The following CEP192 variants were observed in gnomAD, a reference collection of about 807,000 sequenced individuals.
CEP192 encodes the protein centrosomal protein 192.
In CEP192, 151 loss-of-function variants were observed where a neutral mutation model predicts 271.8. The observed-to-expected ratio is 0.56, with a 90% confidence interval of 0.49 to 0.64. CEP192 has a LOEUF of 0.64. CEP192 is among the 30% of genes least tolerant of loss of function. The probability of loss-of-function intolerance (pLI) is 0.00; values close to 1 mark genes in which losing one functional copy is unlikely to be tolerated. For missense variants in CEP192, 2,910 were observed against 3,020.5 expected, an observed-to-expected ratio of 0.96 and a Z score of 0.86; for synonymous variants, 995 against 1,076.5, an observed-to-expected ratio of 0.92 and a Z score of 1.48.
intron 15 of CEP192, 46 bp downstream of exon 15, chr18:13,042,380 G>C: frequency 6.3e-7 from 1 of 1,598,900 alleles, no homozygotes; most frequent in Non-Finnish European, 8.6e-7. Flanking sequence ...TCTTGTTGTA[G>C]TTCTTATCTA....
intron 30 of CEP192, among the ~76,000 whole-genome samples, chr18:13,083,117 A>G (rs2038711714): frequency 6.6e-6 from 1 of 152,064 alleles, no homozygotes; most frequent in Non-Finnish European, 1.5e-5. Flanking sequence ...GCTCTTCTCG[A>G]GGAGTATCTT....
At chr18:13,009,908 T>C (rs546599876) in intron 4 of CEP192, among the ~76,000 whole-genome samples, 353 of 152,286 alleles carry the variant, frequency 2.3e-3, no homozygotes, top group Non-Finnish European at 4.3e-3. Flanking sequence ...CTGTGGCTTA[T>C]GCCTGTAATT....
chr18:13,032,797 A>G (rs977656499), intron 11 of CEP192, among the ~76,000 whole-genome samples: 3 of 152,208 alleles, frequency 2.0e-5, no homozygotes, highest in South Asian at 2.1e-4. Flanking sequence ...TCCCTCAGCC[A>G]TAGAATGGAT....
At position 13,095,122 on chromosome 18, in the gene CEP192, C is replaced by T. The variant is rs900296834; in HGVS notation, c.6255-381C>T. On this transcript the variant is annotated intron_variant, in intron 34 of 44. Transcript: ENST00000506447. ...AAGTAATTCTCCTGCCTCGGCCTTC[C>T]TGGTAGCTGGGACTACAGACACCTG... Among the ~76,000 whole-genome samples the T allele has an allele frequency of 2.0e-5, 3 of 152,180 alleles. No individual in the cohort carries two copies. The East Asian group carries it at 5.8e-4, about 29-fold the overall frequency.
At chr18:13,123,823 C>G (rs1176950831) in intron 44 of CEP192, among the ~76,000 whole-genome samples, 1 of 152,122 alleles carries the variant, frequency 6.6e-6, no homozygotes, top group East Asian at 1.9e-4. Context: ...TTACCTGCCT[C>G]TATATACTGT....
Position 13,049,785 on chromosome 18 carries a change from G to A in CEP192, c.2911G>A (p.Glu971Lys). 1 of 1,613,802 alleles carries A rather than the reference G, an allele frequency of 6.2e-7. No individual in the cohort carries two copies. Among genetic ancestry groups the A allele is most frequent in the Non-Finnish European group, 8.5e-7 (1 of 1,179,908 alleles). The part of the protein sequence containing the change: ...KNSDLKNTSP[E>K]HGGRGSEDEQ... ...GATAGATTTGAAAAATACCTCTCCTGAGCATGGTGGACGTGGCTCAGAGGA... is the reference window on the plus strand; with the variant it reads ...GATAGATTTGAAAAATACCTCTCCTAAGCATGGTGGACGTGGCTCAGAGGA... The change falls in exon 17 of 45, where the codon GAG becomes AAG. Residue 971 changes from glutamate to lysine, a missense_variant. Coordinates refer to ENST00000506447, the MANE Select transcript of CEP192 (RefSeq NM_032142.4).
chr18:13,090,185 T>G (rs1360702524), intron 33 of CEP192, among the ~76,000 whole-genome samples: 2 of 152,224 alleles, frequency 1.3e-5, no homozygotes, highest in Non-Finnish European at 2.9e-5. Context: ...ATTTTCACCA[T>G]AGTGTTGTTT....
In CEP192 at chr18:13,095,390, T is replaced by C. The variant is rs2039343304; in HGVS notation, c.6255-113T>C. 5 of 825,826 alleles carry C rather than the reference T, an allele frequency of 6.1e-6. No homozygotes were observed. The Admixed American group carries it at 1.3e-4, about 21-fold the overall frequency. 51.2% of individuals were successfully genotyped at this position (825,826 alleles called of 1,614,324 possible). A position where few individuals can be genotyped will look rare whatever the true frequency, so the allele number is the denominator to read the frequency against. ...TCACTTTTAACTTTGTCTTAATGTTTTTAGATTTATGAAGAATATAAAAAT... is the reference window on the plus strand; with the variant it reads ...TCACTTTTAACTTTGTCTTAATGTTCTTAGATTTATGAAGAATATAAAAAT... On this transcript the variant is annotated intron_variant, in intron 34 of 44. Transcript: ENST00000506447.
Position 13,105,025 on chromosome 18 carries a change from A to G in CEP192, c.6993A>G (p.Ala2331=), listed in dbSNP as rs759838003. ...ESGDVFRATY[A]AFRCSPISGL... is the part of the protein sequence containing the mutation. The stretch of plus-strand genomic sequence containing the variant: ...GAGATGTTTTTAGAGCTACCTATGC[A>G]GCATTCAGATGTTCTCCTATTTCTG... The change falls in exon 40 of 45, where the codon GCA becomes GCG. Residue 2331 remains alanine (A), a synonymous_variant. Coordinates refer to ENST00000506447, the MANE Select transcript of CEP192 (RefSeq NM_032142.4). The G allele has an allele frequency of 4.3e-6, 7 of 1,614,182 alleles. No individual in the cohort carries two copies. The highest frequency in any genetic ancestry group is 2.2e-5 in the East Asian group (1 of 44,890).
chr18:13,030,550 C>T lies in CEP192; in HGVS notation c.1476C>T (p.Ser492=). Residue 492 remains serine, a synonymous_variant, in exon 11 of 45, where the codon AGC becomes AGT. Transcript: ENST00000506447. Reference sequence around the variant, plus strand: ...TTGCCTATTACACATCTTTTAATAGCAAACAAAATTTAAATGTGTCTCTAA... The same window carrying T: ...TTGCCTATTACACATCTTTTAATAGTAAACAAAATTTAAATGTGTCTCTAA... ...TDLAYYTSFN[S]KQNLNVSLSD... 1.2e-6 allele frequency: 2 copies of T among 1,611,830 alleles called. No homozygotes were observed. The highest frequency in any genetic ancestry group is 2.7e-5 in the African/African-American group (2 of 74,990).
At chr18:13,035,718 C>T (rs2035881217) in intron 11 of CEP192, among the ~76,000 whole-genome samples, 1 of 152,134 alleles carries the variant, frequency 6.6e-6, no homozygotes, top group African/African-American at 2.4e-5. Context: ...TGGTTTTTAA[C>T]TTAGCTTGAG....
chr18:13,123,920 G>A (rs1598669090), intron 44 of CEP192, among the ~76,000 whole-genome samples: 2 of 152,196 alleles, frequency 1.3e-5, no homozygotes, highest in Admixed American at 6.5e-5. Flanking sequence ...AGCACTTTGG[G>A]AAGCCAAGGC....
chr18:13,101,044 G>A (rs915193594), intron 38 of CEP192, among the ~76,000 whole-genome samples: 38 of 152,290 alleles, frequency 2.5e-4, no homozygotes, highest in African/African-American at 8.4e-4. Flanking sequence ...TGAAAGCCAC[G>A]TGCATTCAGT....
intron 6 of CEP192, among the ~76,000 whole-genome samples, chr18:13,016,317 G>A (rs901936678): frequency 1.9e-4 from 29 of 152,178 alleles, no homozygotes; most frequent in Admixed American, 1.4e-3. Flanking sequence ...CTGTAAGCAC[G>A]TGGGTTGTGT....
intron 27 of CEP192, among the ~76,000 whole-genome samples, chr18:13,070,076 G>T (rs1245447680): frequency 6.6e-6 from 1 of 151,934 alleles, no homozygotes; most frequent in Non-Finnish European, 1.5e-5. Flanking sequence ...CAGGAGAGTC[G>T]CTTGAACCCA....
At chr18:13,062,114 G>A (rs1414468179) in intron 21 of CEP192, among the ~76,000 whole-genome samples, 2 of 152,208 alleles carry the variant, frequency 1.3e-5, no homozygotes, top group Non-Finnish European at 2.9e-5. Context: ...GGAATCACCT[G>A]ATGAACTTCA....
At chr18:13,108,428 G>A (rs1164135118) in intron 40 of CEP192, among the ~76,000 whole-genome samples, 1 of 152,020 alleles carries the variant, frequency 6.6e-6, no homozygotes. Context: ...TAATACCCAG[G>A]ATCTATAAGG....
chr18:13,049,338 T>C lies in CEP192; in HGVS notation c.2547T>C (p.Asn849=). The C allele has an allele frequency of 6.2e-7, 1 of 1,614,006 alleles. No homozygotes were observed. Among genetic ancestry groups the C allele is most frequent in the South Asian group, 1.1e-5 (1 of 91,080 alleles). The change falls in exon 16 of 45, where the codon AAT becomes AAC. Residue 849 remains asparagine, a synonymous_variant. Transcript: ENST00000506447. ...CAGCAGCTATTGTTTATGTTGAAAA[T>C]GGAGAGAGTGAGAATCAAGAGTCAT... The part of the protein sequence containing the change: ...ENTAAIVYVE[N]GESENQESFR...
At chr18:13,026,444 T>G (rs1210527636) in intron 9 of CEP192, among the ~76,000 whole-genome samples, 1 of 152,222 alleles carries the variant, frequency 6.6e-6, no homozygotes, top group Non-Finnish European at 1.5e-5. Flanking sequence ...TTGTCTGAAT[T>G]AGTTTGGGGA....
Sources: gnomAD v4.1 joint callset for allele counts (sites outside exome capture counted in the v4.1 genomes callset) on GRCh38, gnomAD v4.1.1 for gene constraint, MANE v1.5 for transcripts, NCBI Gene and HGNC (gene_info 2026-07-23, HGNC 2026-07-21) for gene names.